The following GPC1 variants were observed in gnomAD, a reference collection of about 807,000 sequenced individuals.
GPC1 encodes the protein glypican-1.
In GPC1, 26 loss-of-function variants were observed where a neutral mutation model predicts 51.5. The ratio of observed to expected loss-of-function variants is 0.50; its 90% CI spans 0.37 to 0.70. The LOEUF (loss-of-function observed/expected upper bound fraction) is 0.70. Ranked by LOEUF, GPC1 falls within the 30% of genes least tolerant of loss-of-function variation. The pLI is 0.00. For missense variants in GPC1, 775 were observed against 800.5 expected (o/e 0.97, Z 0.38); for synonymous variants, 380 against 348.3 (o/e 1.09, Z -1.01).
chr2:240,454,669 T>A (rs1193123081), intron 1 of GPC1, among the ~76,000 whole-genome samples: 1 of 152,240 alleles, frequency 6.6e-6, no homozygotes, highest in Non-Finnish European at 1.5e-5. Context: ...TTCCGGTACC[T>A]TAGGCATTCG....
chr2:240,437,993 G>A (rs1237745273), intron 1 of GPC1, among the ~76,000 whole-genome samples: 2 of 152,180 alleles, frequency 1.3e-5, no homozygotes, highest in East Asian at 3.9e-4. Context: ...CTGCTCTTGG[G>A]TTGGGGAATG....
chr2:240,449,321 C>CG (rs937174569), intron 1 of GPC1: 1 of 147,426 alleles, frequency 6.8e-6, no homozygotes, highest in African/African-American at 2.5e-5. Flanking sequence ...GCGCCCCCCC[C>CG]CACCCCCACG....
intron 1 of GPC1, among the ~76,000 whole-genome samples, chr2:240,446,114 A>G (rs2151787386): frequency 6.6e-6 from 1 of 152,378 alleles, no homozygotes; most frequent in South Asian, 2.1e-4. Context: ...TCGCCCTCGC[A>G]GCAGAGAAGG....
rs757394543 is a variant in GPC1, at chr2:240,464,713, C to T, written c.981C>T (p.Ala327=). The change falls in exon 5 of 9, where the codon GCC becomes GCT. Residue 327 remains alanine, a synonymous_variant. Coordinates refer to ENST00000264039, the MANE Select transcript of GPC1 (RefSeq NM_002081.3). ...CGTGGCTGGCGGAGGCCATCAACGC[C>T]CTCCAGGACAACAGGGACACGCTCA... ...VHTWLAEAIN[A]LQDNRDTLTA... The T allele has an allele frequency of 6.2e-7, 1 of 1,611,814 alleles. No individual in the cohort carries two copies. The highest frequency in any genetic ancestry group is 8.5e-7 in the Non-Finnish European group (1 of 1,179,388).
chr2:240,452,966 A>C (rs1267937748), intron 1 of GPC1: 16 of 338,870 alleles, frequency 4.7e-5, no homozygotes, highest in Non-Finnish European at 9.4e-5. Context: ...CGGCCCGAGC[A>C]CCTGCACCCA....
chr2:240,436,138 G>T, intron 1 of GPC1, 54 bp downstream of exon 1: 1 of 1,160,678 alleles, frequency 8.6e-7, no homozygotes, highest in South Asian at 4.0e-5. Flanking sequence ...TTGGGCTCCG[G>T]ACCCTGGTCT....
At chr2:240,457,915 C>A (rs1046478860) in intron 1 of GPC1, 1 of 385,168 alleles carries the variant, frequency 2.6e-6, no homozygotes, top group Non-Finnish European at 5.5e-6. Context: ...CAACGCCCCC[C>A]CTTGACCCCA....
chr2:240,464,568 T>TTAAC, intron 4 of GPC1, 48 bp from the exon 5 acceptor site: 1 of 301,638 alleles, frequency 3.3e-6, no homozygotes, highest in Non-Finnish European at 4.8e-6. Flanking sequence ...TCAACGCCTG[T>TTAAC]GTGCGCGCGT....
rs1401167091 is a variant in GPC1, at chr2:240,448,386, C to T, written c.167-10644C>T. Among the ~76,000 whole-genome samples the T allele has an allele frequency of 1.3e-5, 2 of 151,944 alleles. No individual in the cohort carries two copies. Among genetic ancestry groups the T allele is most frequent in the Non-Finnish European group, 2.9e-5 (2 of 67,988 alleles). ...CAGGCAGTCCGGGTGTAGATAGTCC[C>T]TGCCAGGCAGTCCAGGTGTAGACAG... On this transcript the variant is annotated intron_variant, in intron 1 of 8. Transcript: ENST00000264039. This position sits in a 1 kb window ranked among gnomAD's most constrained non-coding sequence, Gnocchi z 4.5.
chr2:240,439,666 C>T (rs1056690364), intron 1 of GPC1, among the ~76,000 whole-genome samples: 2 of 152,188 alleles, frequency 1.3e-5, no homozygotes, highest in African/African-American at 4.8e-5. Flanking sequence ...AAGGGTGTTT[C>T]CGGCTGGGCC....
At chr2:240,447,533 G>A (rs558001835) in intron 1 of GPC1, among the ~76,000 whole-genome samples, 1 of 152,354 alleles carries the variant, frequency 6.6e-6, no homozygotes, top group South Asian at 2.1e-4. Flanking sequence ...GGCCTGCCGG[G>A]CCTCTGGGGA....
At chr2:240,447,291 G>A (rs2074056661) in intron 1 of GPC1, among the ~76,000 whole-genome samples, 2 of 152,200 alleles carry the variant, frequency 1.3e-5, no homozygotes, top group Admixed American at 1.3e-4. Flanking sequence ...CACAGAGGCT[G>A]TTCTGGGTAC....
intron 1 of GPC1, among the ~76,000 whole-genome samples, chr2:240,439,448 A>T (rs1574754428): frequency 6.6e-6 from 1 of 152,170 alleles, no homozygotes; most frequent in Non-Finnish European, 1.5e-5. Flanking sequence ...GAAACTGCCC[A>T]GCCGCTCCTG....
At chr2:240,438,264 A>G (rs1284852700) in intron 1 of GPC1, among the ~76,000 whole-genome samples, 1 of 152,150 alleles carries the variant, frequency 6.6e-6, no homozygotes, top group Admixed American at 6.5e-5. Context: ...TGCACCCCCT[A>G]TGGCTGCAGA....
In GPC1 at chr2:240,450,726, C is replaced by T. The variant is rs188143640; in HGVS notation, c.167-8304C>T. On this transcript the variant is annotated intron_variant, in intron 1 of 8. Transcript: ENST00000264039. The stretch of plus-strand genomic sequence containing the variant: ...GGCCATGCTGGCAGTGGGTCGTGTT[C>T]GCTCCAGTGCCAACACTGGGCAGAT... 2.4e-4 allele frequency: 114 copies of T among 468,488 alleles called. 1 individual carries two copies. The highest frequency in any genetic ancestry group is 1.4e-3 in the African/African-American group (68 of 50,154). 29.0% of individuals were successfully genotyped at this position (468,488 alleles called of 1,614,324 possible).
chr2:240,459,827 G>C (rs1314710090), intron 2 of GPC1, among the ~76,000 whole-genome samples: 2 of 152,184 alleles, frequency 1.3e-5, no homozygotes, highest in Non-Finnish European at 2.9e-5. Context: ...CCACCCCCAG[G>C]GGGACAGTGT....
In GPC1 at chr2:240,462,360, G is replaced by A. The variant is rs929868503; in HGVS notation, c.495G>A (p.Glu165=). 1.3e-6 allele frequency: 2 copies of A among 1,594,286 alleles called. No homozygotes were observed. Among genetic ancestry groups the A allele is most frequent in the Non-Finnish European group, 1.7e-6 (2 of 1,171,290 alleles). The change falls in exon 3 of 9, where the codon GAG becomes GAA. Residue 165 remains glutamate (E), a synonymous_variant. Transcript: ENST00000264039. ...TGCACCTGGAGGAGACGCTGGCCGA[G>A]TTCTGGGCCCGCCTGCTCGAGCGCC... ...ANLHLEETLA[E]FWARLLERLF...
At chr2:240,463,587 G>C (rs2074235673) in intron 4 of GPC1, 75 bp downstream of exon 4, 1 of 1,339,924 alleles carries the variant, frequency 7.5e-7, no homozygotes, top group Non-Finnish European at 1.0e-6. Flanking sequence ...GGGGCGGGTG[G>C]TCCCTAGCTT....
chr2:240,464,995 C>T lies in GPC1; in HGVS notation c.1134+20C>T. ...AAGCTGGTGAGTGGCCCCTGCGTGT[C>T]CACTGGACCAGGCATGAGGGAGGCA... On this transcript the variant is annotated intron_variant, in intron 6 of 8. Coordinates refer to ENST00000264039, the MANE Select transcript of GPC1 (RefSeq NM_002081.3). 2 of 1,564,540 alleles carry T rather than the reference C, an allele frequency of 1.3e-6. No individual in the cohort carries two copies. The highest frequency in any genetic ancestry group is 1.9e-5 in the Admixed American group (1 of 52,528).
Sources: allele counts gnomAD v4.1 joint callset (sites outside exome capture counted in the v4.1 genomes callset), GRCh38; gene constraint gnomAD v4.1.1; non-coding constraint Gnocchi (gnomAD v3.1); transcripts MANE v1.5; gene names NCBI Gene and HGNC (gene_info 2026-07-23, HGNC 2026-07-21).